The following RPF1 variants were observed in gnomAD, a reference collection of about 807,000 sequenced individuals.
RPF1 encodes the protein ribosome production factor 1 homolog.
Under a neutral mutation model 41.9 loss-of-function variants are expected in RPF1, and 34 were observed. That is an observed-to-expected ratio of 0.81 (90% CI 0.62 to 1.08). The LOEUF (loss-of-function observed/expected upper bound fraction) is 1.08, where lower values mean the gene tolerates loss of function less well. Ranked by LOEUF, RPF1 falls within the 50% of genes least tolerant of loss-of-function variation. The pLI is 0.00. For missense variants in RPF1, 425 were observed against 435.2 expected (o/e 0.98, Z 0.21); for synonymous variants, 140 against 148.9 (o/e 0.94, Z 0.43).
At chr1:84,496,786 T>A (rs1681945456) in intron 8 of RPF1, among the ~76,000 whole-genome samples, 1 of 152,220 alleles carries the variant, frequency 6.6e-6, no homozygotes, top group Non-Finnish European at 1.5e-5. Context: ...GTGACTCTAC[T>A]ACATGTTTCT....
At chr1:84,487,668 G>A (rs1271115277) in intron 3 of RPF1, among the ~76,000 whole-genome samples, 1 of 152,036 alleles carries the variant, frequency 6.6e-6, no homozygotes, top group Admixed American at 6.6e-5. Context: ...TCTCTTTCCT[G>A]TGATCATAAG....
intron 3 of RPF1, among the ~76,000 whole-genome samples, chr1:84,485,508 T>C (rs11578494): frequency 0.19 from 29,256 of 152,226 alleles, 2,864 homozygotes; most frequent in South Asian, 0.31. Flanking sequence ...TGTGGCGCCA[T>C]GTTGGTGCTT....
At chr1:84,487,243 T>G (rs1471085729) in intron 3 of RPF1, among the ~76,000 whole-genome samples, 1 of 152,216 alleles carries the variant, frequency 6.6e-6, no homozygotes, top group African/African-American at 2.4e-5. Flanking sequence ...AAGTAGTGGT[T>G]GTATCATTTT....
chr1:84,484,544 A>C (rs1681706218), intron 3 of RPF1, among the ~76,000 whole-genome samples: 1 of 152,136 alleles, frequency 6.6e-6, no homozygotes, highest in Non-Finnish European at 1.5e-5. Flanking sequence ...GATTTTTTGA[A>C]TAGTATAGAC....
chr1:84,495,378 CT>C lies in RPF1; in HGVS notation c.624del (p.Ile209PhefsTer2). On this transcript the variant is annotated frameshift_variant, in exon 6 of 9. Coordinates refer to ENST00000370654, the MANE Select transcript of RPF1 (RefSeq NM_025065.7). LOFTEE classifies it high-confidence loss of function. Reference sequence around the variant, plus strand: ...TTCTTAACTTTTATGAACAGATGGACTTATTTTGAGTCACTTGCCAAATGGC... The same window carrying C: ...TTCTTAACTTTTATGAACAGATGGACTATTTTGAGTCACTTGCCAAATGGC... ...INEDRKTPNG[L>X]ILSHLPNGPT... The C allele has an allele frequency of 7.0e-7, 1 of 1,420,014 alleles. No homozygotes were observed. The highest frequency in any genetic ancestry group is 9.8e-7 in the Non-Finnish European group (1 of 1,017,136). 88.0% of individuals were successfully genotyped at this position (1,420,014 alleles called of 1,614,324 possible). A position where few individuals can be genotyped will look rare whatever the true frequency, so the allele number is the denominator to read the frequency against.
At chr1:84,488,993 T>C (rs1681784917) in intron 3 of RPF1, among the ~76,000 whole-genome samples, 1 of 152,110 alleles carries the variant, frequency 6.6e-6, no homozygotes, top group Non-Finnish European at 1.5e-5. Context: ...ATATCTATTC[T>C]CTTAGTCTTT....
At chr1:84,486,815 A>G (rs2101884245) in intron 3 of RPF1, among the ~76,000 whole-genome samples, 1 of 152,174 alleles carries the variant, frequency 6.6e-6, no homozygotes, top group Middle Eastern at 3.4e-3. Context: ...TCCCCTGGGT[A>G]TATTTTGAAA....
chr1:84,479,367 CA>C lies in RPF1; in HGVS notation c.87del (p.Gly30AlafsTer36). 6.2e-7 allele frequency: 1 copy of C among 1,614,036 alleles called. No homozygotes were observed. On this transcript the variant is annotated frameshift_variant, in exon 1 of 9. Coordinates refer to ENST00000370654, the MANE Select transcript of RPF1 (RefSeq NM_025065.7). LOFTEE classifies it high-confidence loss of function. Reference sequence around the variant, plus strand: ...GCTGCCGAAGAACTTCAGGAGGCTGCAGGCGCTGGGGATGGGGCGACGGAAA... The same window carrying C: ...GCTGCCGAAGAACTTCAGGAGGCTGCGGCGCTGGGGATGGGGCGACGGAAA... ...KAAAEELQEAAGAGDGATENG... is the reference protein window; with the variant it reads ...KAAAEELQEAXGAGDGATENG...
At position 84,498,055 on chromosome 1, in the gene RPF1, T is replaced by A. The variant is rs754080179; in HGVS notation, c.*585T>A. On this transcript the variant is annotated 3_prime_UTR_variant, in exon 9 of 9. Transcript: ENST00000370654. ...GGGAGCTCTTTTTTACCTCATTACATGGTGCTGTAGTACTCCATTCAGGCA... is the reference window on the plus strand; with the variant it reads ...GGGAGCTCTTTTTTACCTCATTACAAGGTGCTGTAGTACTCCATTCAGGCA... 7.9e-5 allele frequency among the ~76,000 whole-genome samples: 12 copies of A among 152,228 alleles called. No homozygotes were observed. The highest frequency in any genetic ancestry group is 1.5e-4 in the Non-Finnish European group (10 of 68,028).
Position 84,496,309 on chromosome 1 carries a change from T to G in RPF1, c.947T>G (p.Leu316Ter). ...QELGPRFTLK[L>*]RSLQKGTFDS... is the part of the protein sequence containing the mutation. ...CTTGGACCACGTTTTACCTTAAAAT[T>G]AAGGTCTCTTCAGAAAGGAACCTTT... is the stretch of plus-strand genomic sequence containing the variant. Residue 316 changes from leucine to a stop codon, truncating the protein, a stop_gained, in exon 8 of 9, where the codon TTA (leucine) becomes TGA (stop). Coordinates refer to ENST00000370654, the MANE Select transcript of RPF1 (RefSeq NM_025065.7). LOFTEE classifies it high-confidence loss of function. 6.2e-7 allele frequency: 1 copy of G among 1,612,978 alleles called. No individual in the cohort carries two copies. The highest frequency in any genetic ancestry group is 8.5e-7 in the Non-Finnish European group (1 of 1,179,008).
chr1:84,484,384 A>G (rs543700968), intron 3 of RPF1, among the ~76,000 whole-genome samples: 1 of 152,142 alleles, frequency 6.6e-6, no homozygotes, highest in South Asian at 2.1e-4. Context: ...TATCTGTTCT[A>G]TAGATCTTAC....
At chr1:84,486,756 G>A (rs1681746787) in intron 3 of RPF1, among the ~76,000 whole-genome samples, 1 of 152,030 alleles carries the variant, frequency 6.6e-6, no homozygotes, top group Admixed American at 6.5e-5. Flanking sequence ...CCTGGGCCAG[G>A]GTAGTTACAA....
intron 7 of RPF1, 25 bp downstream of exon 7, chr1:84,496,088 T>G (rs1407071062): frequency 6.5e-7 from 1 of 1,547,090 alleles, no homozygotes. Flanking sequence ...CTCATTGAAC[T>G]TTGATTTCAA....
rs1300464753 is a variant in RPF1, at chr1:84,497,523, G to A, written c.*53G>A. 7.5e-7 allele frequency: 1 copy of A among 1,335,282 alleles called. No individual in the cohort carries two copies. The highest frequency in any genetic ancestry group is 2.5e-5 in the East Asian group (1 of 40,456). The allele number at this position is 1,335,282 out of a possible 1,614,324, so 82.7% of individuals were successfully genotyped here. On this transcript the variant is annotated 3_prime_UTR_variant, in exon 9 of 9. Transcript: ENST00000370654. ...GCTGAACAGGCCTATCTTGAACTTT[G>A]GTAAATTATTTTTGACAGAATACTC...
At chr1:84,492,225 T>G in intron 5 of RPF1, among the ~76,000 whole-genome samples, 1 of 151,932 alleles carries the variant, frequency 6.6e-6, no homozygotes, top group East Asian at 1.9e-4. Flanking sequence ...TCACAACTCC[T>G]AATGGTGACA....
chr1:84,487,566 T>C (rs561289305), intron 3 of RPF1, among the ~76,000 whole-genome samples: 1 of 152,244 alleles, frequency 6.6e-6, no homozygotes, highest in South Asian at 2.1e-4. Context: ...TTCTATGGTG[T>C]CTTTTGAGGA....
In RPF1 at chr1:84,497,459, T is replaced by C. The variant is rs41284587; in HGVS notation, c.1039T>C (p.Phe347Leu). 5.4e-4 allele frequency: 874 copies of C among 1,611,510 alleles called. No individual in the cohort carries two copies. The highest frequency in any genetic ancestry group is 7.0e-4 in the Non-Finnish European group (829 of 1,178,358). ...GGAAATGGATACAAGTAGAAGAAAA[T>C]TCCATTTATAAAGTACTGAGAGAAT... ...PREMDTSRRK[F>L]HL is the part of the protein sequence containing the mutation. Residue 347 changes from phenylalanine (F) to leucine (L), a missense_variant, in exon 9 of 9, where the codon TTC becomes CTC. Coordinates refer to ENST00000370654, the MANE Select transcript of RPF1 (RefSeq NM_025065.7).
chr1:84,490,484 T>G lies in RPF1; in HGVS notation c.616+12T>G. The G allele has an allele frequency of 1.3e-6, 2 of 1,562,294 alleles. No homozygotes were observed. The highest frequency in any genetic ancestry group is 1.4e-5 in the African/African-American group (1 of 71,778). The stretch of plus-strand genomic sequence containing the variant: ...TCGTAAAACCCCAAGTATCCTTTTT[T>G]TTTTTAAGGAGGTTTTCCTGTCCTC... On this transcript the variant is annotated intron_variant, in intron 5 of 8. Coordinates refer to ENST00000370654, the MANE Select transcript of RPF1 (RefSeq NM_025065.7).
intron 3 of RPF1, among the ~76,000 whole-genome samples, chr1:84,488,730 T>C (rs1399857195): frequency 6.6e-6 from 1 of 152,146 alleles, no homozygotes; most frequent in Admixed American, 6.5e-5. Context: ...TACTTATTCT[T>C]ATGATTTTGT....
Sources: allele counts gnomAD v4.1 joint callset (sites outside exome capture counted in the v4.1 genomes callset), GRCh38; gene constraint gnomAD v4.1.1; transcripts MANE v1.5; gene names NCBI Gene and HGNC (gene_info 2026-07-23, HGNC 2026-07-21).